CHST8: variants seen among roughly 807,000 people sequenced by gnomAD.
CHST8 encodes GALNAC-4-ST1.
Under a neutral mutation model 15.0 loss-of-function variants are expected in CHST8, and 10 were observed. The ratio of observed to expected loss-of-function variants is 0.67; its 90% CI spans 0.41 to 1.13. CHST8 has a LOEUF of 1.13. Ranked by LOEUF, CHST8 falls within the 50% of genes most tolerant of loss-of-function variation. The probability of loss-of-function intolerance (pLI) is 0.00; values close to 1 mark genes in which losing one functional copy is unlikely to be tolerated. For missense variants in CHST8, 634 were observed against 608.2 expected, an observed-to-expected ratio of 1.04 and a Z score of -0.45; for synonymous variants, 259 against 256.6, an observed-to-expected ratio of 1.01 and a Z score of -0.09.
chr19:33,758,980 C>T (rs904073363), intron 3 of CHST8, among the ~76,000 whole-genome samples: 7 of 151,882 alleles, frequency 4.6e-5, no homozygotes, highest in Non-Finnish European at 5.9e-5. Context: ...CGGGAGTGTG[C>T]GTGTCACCTG....
In CHST8 at chr19:33,752,313, G is replaced by A. The variant is rs532175799; in HGVS notation, c.131-19100G>A. On this transcript the variant is annotated intron_variant, in intron 3 of 4. Transcript: ENST00000650847. ...TCGACCCACGCGTGAGCCAGGCTTC[G>A]CTCTCTGCCAAGATGACACGTCTAA... 3.9e-5 allele frequency among the ~76,000 whole-genome samples: 6 copies of A among 152,312 alleles called. No homozygotes were observed. The South Asian group carries it at 1.2e-3, about 32-fold the overall frequency.
chr19:33,765,555 CAGAGAGAGAGAG>C (rs3073708), intron 3 of CHST8, among the ~76,000 whole-genome samples: 3 of 125,830 alleles, frequency 2.4e-5, no homozygotes, highest in Non-Finnish European at 5.0e-5. Flanking sequence ...GTGTGTGTGT[CAGAGAGAGAGAG>C]AGAGAGAGAG....
At chr19:33,626,316 A>G (rs1404738214) in intron 1 of CHST8, among the ~76,000 whole-genome samples, 1 of 150,038 alleles carries the variant, frequency 6.7e-6, no homozygotes, top group African/African-American at 2.5e-5. Context: ...TTAGAAACTC[A>G]GCAATGCAGC....
At chr19:33,724,675 T>C (rs1362464688) in intron 3 of CHST8, among the ~76,000 whole-genome samples, 1 of 152,180 alleles carries the variant, frequency 6.6e-6, no homozygotes, top group African/African-American at 2.4e-5. Context: ...TCCTGGGCCC[T>C]GCCCCTGCCC....
At chr19:33,655,061 G>A (rs887735807) in intron 1 of CHST8, among the ~76,000 whole-genome samples, 9 of 152,200 alleles carry the variant, frequency 5.9e-5, no homozygotes, top group African/African-American at 1.7e-4. Flanking sequence ...GAGTCTGACA[G>A]GGTCTGGCTC....
chr19:33,652,372 CTTT>C (rs971053736), intron 1 of CHST8, among the ~76,000 whole-genome samples: 14 of 100,568 alleles, frequency 1.4e-4, no homozygotes, highest in African/African-American at 4.5e-4. Context: ...TTTTCTCTCT[CTTT>C]TTTTTTTTTT....
At chr19:33,768,071 T>C (rs1317521979) in intron 3 of CHST8, among the ~76,000 whole-genome samples, 1 of 152,162 alleles carries the variant, frequency 6.6e-6, no homozygotes, top group Non-Finnish European at 1.5e-5. Context: ...GGTCCTGACG[T>C]GCAGCCCACT....
chr19:33,771,352 G>A (rs1568365180), intron 3 of CHST8, 61 bp from the exon 4 acceptor site: 1 of 1,552,748 alleles, frequency 6.4e-7, no homozygotes, highest in African/African-American at 1.4e-5. Flanking sequence ...CCCATAAGCA[G>A]TTCCCTGGGA....
At chr19:33,703,982 G>A (rs1973393598) in intron 3 of CHST8, among the ~76,000 whole-genome samples, 1 of 152,208 alleles carries the variant, frequency 6.6e-6, no homozygotes, top group Admixed American at 6.5e-5. Context: ...AGCTCCTGGG[G>A]GCTTCTCATG....
intron 3 of CHST8, among the ~76,000 whole-genome samples, chr19:33,732,088 AC>A (rs1028559520): frequency 6.6e-6 from 1 of 152,156 alleles, no homozygotes; most frequent in African/African-American, 2.4e-5. Flanking sequence ...TCAGCTGCAT[AC>A]CGACTGTGCT....
At chr19:33,662,596 C>T (rs552877845) in intron 1 of CHST8, among the ~76,000 whole-genome samples, 17 of 152,180 alleles carry the variant, frequency 1.1e-4, no homozygotes, top group African/African-American at 3.4e-4. Context: ...CCCAGCGTTA[C>T]GCATTGACCA....
At chr19:33,644,744 A>G (rs1972328397) in intron 1 of CHST8, among the ~76,000 whole-genome samples, 1 of 152,150 alleles carries the variant, frequency 6.6e-6, no homozygotes, top group Non-Finnish European at 1.5e-5. Context: ...CTGTCTCTAA[A>G]AAAATAAAAA....
At chr19:33,725,077 G>A (rs908578274) in intron 3 of CHST8, among the ~76,000 whole-genome samples, 2 of 152,026 alleles carry the variant, frequency 1.3e-5, no homozygotes, top group African/African-American at 2.4e-5. Context: ...GTATCGGGGG[G>A]CGCTGTTATG....
chr19:33,674,101 G>A (rs936706494), intron 2 of CHST8, among the ~76,000 whole-genome samples: 1 of 152,190 alleles, frequency 6.6e-6, no homozygotes, highest in African/African-American at 2.4e-5. Flanking sequence ...ACAAGTCAGG[G>A]CTGGGGCCAG....
At chr19:33,767,630 A>G (rs1002125891) in intron 3 of CHST8, among the ~76,000 whole-genome samples, 1 of 152,228 alleles carries the variant, frequency 6.6e-6, no homozygotes, top group South Asian at 2.1e-4. Flanking sequence ...TCTGTCCAGA[A>G]AGAGAAAGTG....
At position 33,772,603 on chromosome 19, in the gene CHST8, T is replaced by C. The variant is rs776947439; in HGVS notation, c.815T>C (p.Phe272Ser). ...CTGGTGTCCGCCTTCCGCGACAAGTTTGAGCACCCCAACAGCTACTATCAC... is the reference window on the plus strand; with the variant it reads ...CTGGTGTCCGCCTTCCGCGACAAGTCTGAGCACCCCAACAGCTACTATCAC... ...ERLVSAFRDK[F>S]EHPNSYYHPV... Residue 272 changes from phenylalanine (F) to serine (S), a missense_variant, in exon 5 of 5, where the codon TTT becomes TCT. Coordinates refer to ENST00000650847, the MANE Select transcript of CHST8 (RefSeq NM_001127895.2). 21 of 1,613,896 alleles carry C rather than the reference T, an allele frequency of 1.3e-5. No homozygotes were observed. The Admixed American group carries it at 2.5e-4, about 19-fold the overall frequency.
chr19:33,722,569 C>T, intron 3 of CHST8, among the ~76,000 whole-genome samples: 1 of 152,166 alleles, frequency 6.6e-6, no homozygotes, highest in East Asian at 1.9e-4. Flanking sequence ...ATCAGGCTGC[C>T]TCTGGCCCTG....
At chr19:33,625,508 A>C (rs1972040664) in intron 1 of CHST8, among the ~76,000 whole-genome samples, 1 of 152,238 alleles carries the variant, frequency 6.6e-6, no homozygotes, top group African/African-American at 2.4e-5. Flanking sequence ...TGCTGGCCCA[A>C]GGAGATCAAT....
At position 33,699,332 on chromosome 19, in the gene CHST8, T is replaced by C. The variant is rs568642979; in HGVS notation, c.130+9941T>C. ...GGAAGGAGGTTATCCAGGCCCTTCC[T>C]TACAGGGTTCCCAATCTGGGGGCAG... On this transcript the variant is annotated intron_variant, in intron 3 of 4. Coordinates refer to ENST00000650847, the MANE Select transcript of CHST8 (RefSeq NM_001127895.2). Among the ~76,000 whole-genome samples the C allele has an allele frequency of 3.9e-5, 6 of 152,236 alleles. No individual in the cohort carries two copies. The East Asian group carries it at 9.7e-4, about 25-fold the overall frequency.
Sources: allele counts gnomAD v4.1 joint callset (sites outside exome capture counted in the v4.1 genomes callset), GRCh38; gene constraint gnomAD v4.1.1; transcripts MANE v1.5; gene names NCBI Gene and HGNC (gene_info 2026-07-23, HGNC 2026-07-21).